Variants in MED13L observed in about 807,000 individuals in gnomAD.
MED13L encodes mediator of RNA polymerase II transcription subunit 13-like.
Under a neutral mutation model 220.9 loss-of-function variants are expected in MED13L, and 7 were observed. The observed-to-expected ratio is 0.03, with a 90% CI of 0.02 to 0.06. The LOEUF is 0.06. Ranked by LOEUF, MED13L falls within the 10% of genes least tolerant of loss-of-function variation. MED13L has a pLI of 1.00. For synonymous variants in MED13L, 1,011 were observed against 1,015.2 expected, an observed-to-expected ratio of 1.00 and a Z score of 0.08; for missense variants, 1,965 against 2,760.5, an observed-to-expected ratio of 0.71 and a Z score of 6.46.
chr12:116,206,055 G>T (rs1593164260), intron 2 of MED13L, among the ~76,000 whole-genome samples: 1 of 140,390 alleles, frequency 7.1e-6, no homozygotes, highest in Non-Finnish European at 1.5e-5. Flanking sequence ...CGGATATAGA[G>T]ATACTTAAGT....
At chr12:116,266,464 ACT>A (rs1261124575) in intron 1 of MED13L, among the ~76,000 whole-genome samples, 1 of 151,660 alleles carries the variant, frequency 6.6e-6, no homozygotes, top group Non-Finnish European at 1.5e-5. Context: ...ACCTCTCCAC[ACT>A]CTTCCACACA....
At chr12:116,179,891 T>G (rs973908267) in intron 2 of MED13L, among the ~76,000 whole-genome samples, 1 of 152,156 alleles carries the variant, frequency 6.6e-6, no homozygotes, top group African/African-American at 2.4e-5. Context: ...TCTGTGACCA[T>G]GTCTATTAAA....
chr12:116,132,050 G>A (rs978151266), intron 2 of MED13L, among the ~76,000 whole-genome samples: 3 of 152,026 alleles, frequency 2.0e-5, no homozygotes, highest in Admixed American at 2.0e-4. Context: ...AGGCCAAGGC[G>A]GGCGGATCAC....
rs1371652680 is a variant in MED13L at position 116,224,712 on chromosome 12, C to T, written c.310+12756G>A. Among the ~76,000 whole-genome samples, 3 of 152,110 alleles carry T rather than the reference C, an allele frequency of 2.0e-5. No individual in the cohort carries two copies. In the East Asian group the frequency reaches 5.8e-4, roughly 29 times the overall value. ...TTTGTTTTTGAGACAGGGTCTCAAT[C>T]TGTCACCCAGGCTGGAGTGCAGTGG... On this transcript the variant is annotated intron_variant, in intron 2 of 30. Coordinates refer to ENST00000281928, the MANE Select transcript of MED13L (RefSeq NM_015335.5).
intron 2 of MED13L, among the ~76,000 whole-genome samples, chr12:116,224,512 T>C (rs908013451): frequency 6.6e-6 from 1 of 152,214 alleles, no homozygotes; most frequent in Non-Finnish European, 1.5e-5. Context: ...TCTCTTCTAC[T>C]AGGTTCTGAG....
At chr12:115,977,982 C>T (rs928605229) in intron 23 of MED13L, among the ~76,000 whole-genome samples, 5 of 151,872 alleles carry the variant, frequency 3.3e-5, no homozygotes, top group African/African-American at 7.3e-5. Context: ...GGTGACAGAG[C>T]GAGACCTTGC....
At chr12:116,020,461 C>G (rs1043952339) in intron 5 of MED13L, among the ~76,000 whole-genome samples, 3 of 152,188 alleles carry the variant, frequency 2.0e-5, no homozygotes, top group Non-Finnish European at 4.4e-5. Context: ...AACTTGAACA[C>G]TCTTGTGGTT....
intron 4 of MED13L, among the ~76,000 whole-genome samples, chr12:116,038,555 T>C (rs139110213): frequency 3.4e-4 from 52 of 152,114 alleles, no homozygotes; most frequent in Non-Finnish European, 6.0e-4. Context: ...GTGGCAGTCA[T>C]GGTGGAATTC....
At chr12:116,151,463 C>T (rs992049690) in intron 2 of MED13L, among the ~76,000 whole-genome samples, 6 of 152,118 alleles carry the variant, frequency 3.9e-5, no homozygotes, top group African/African-American at 1.4e-4. Flanking sequence ...TAACAATAAA[C>T]GCATACAATA....
intron 1 of MED13L, among the ~76,000 whole-genome samples, chr12:116,274,373 GTATC>G (rs1030594674): frequency 1.4e-4 from 20 of 139,636 alleles, no homozygotes; most frequent in Non-Finnish European, 2.7e-4. Flanking sequence ...ACTAATGAGA[GTATC>G]TAGGTAAATT....
chr12:116,095,917 T>C (rs763945163), intron 4 of MED13L, among the ~76,000 whole-genome samples: 12 of 152,186 alleles, frequency 7.9e-5, no homozygotes, highest in Non-Finnish European at 1.8e-4. Context: ...AAGTTTAGGA[T>C]TGTTTAGGAA....
intron 4 of MED13L, among the ~76,000 whole-genome samples, chr12:116,022,850 CA>C (rs1880141096): frequency 6.6e-6 from 1 of 152,234 alleles, no homozygotes; most frequent in African/African-American, 2.4e-5. Flanking sequence ...GTTTCATTTG[CA>C]TAAAATCTAA....
At chr12:116,254,140 A>G (rs1234881128) in intron 1 of MED13L, among the ~76,000 whole-genome samples, 1 of 152,062 alleles carries the variant, frequency 6.6e-6, no homozygotes, top group Non-Finnish European at 1.5e-5. Flanking sequence ...AATGTCAACA[A>G]TGAGAAGAGT....
intron 2 of MED13L, among the ~76,000 whole-genome samples, chr12:116,163,354 G>A (rs979986377): frequency 7.5e-6 from 1 of 134,122 alleles, no homozygotes; most frequent in South Asian, 2.6e-4. Context: ...ACTGTTTATA[G>A]GTGAAGAATT....
chr12:116,137,576 A>G (rs1876670004), intron 2 of MED13L, among the ~76,000 whole-genome samples: 1 of 152,134 alleles, frequency 6.6e-6, no homozygotes, highest in South Asian at 2.1e-4. Context: ...GGTACTCATA[A>G]TTTTGAAGTA....
intron 4 of MED13L, among the ~76,000 whole-genome samples, chr12:116,040,261 A>G (rs988224792): frequency 2.0e-5 from 3 of 152,260 alleles, no homozygotes; most frequent in Non-Finnish European, 4.4e-5. Flanking sequence ...TAATCCATTC[A>G]TATTTTCTCC....
chr12:116,015,389 G>C lies in MED13L; in HGVS notation c.1010-115C>G, dbSNP rs1236314053. ...TTAATTGTTGAAAGTCATATACATA[G>C]CTTTTTCCCTATCCCCTGGCAATAA... On this transcript the variant is annotated intron_variant, in intron 7 of 30. Coordinates refer to ENST00000281928, the MANE Select transcript of MED13L (RefSeq NM_015335.5). 7.1e-6 allele frequency: 8 copies of C among 1,120,724 alleles called. No homozygotes were observed. The Admixed American group carries it at 1.4e-4, about 20-fold the overall frequency. 69.4% of individuals were successfully genotyped at this position (1,120,724 alleles called of 1,614,324 possible).
chr12:116,149,142 CTA>C (rs1321062536), intron 2 of MED13L, among the ~76,000 whole-genome samples: 2 of 152,286 alleles, frequency 1.3e-5, no homozygotes, highest in East Asian at 3.9e-4. Flanking sequence ...CTGCTTATTA[CTA>C]TGTCATGTTT....
At chr12:116,102,234 C>T (rs1351165222) in intron 3 of MED13L, among the ~76,000 whole-genome samples, 1 of 152,136 alleles carries the variant, frequency 6.6e-6, no homozygotes, top group Non-Finnish European at 1.5e-5. Context: ...AAAGTTGGCA[C>T]CCCAAACTCT....
Sources: allele counts gnomAD v4.1 joint callset (sites outside exome capture counted in the v4.1 genomes callset), GRCh38; gene constraint gnomAD v4.1.1; transcripts MANE v1.5; gene names NCBI Gene and HGNC (gene_info 2026-07-23, HGNC 2026-07-21).